The following NRG3 variants were observed in gnomAD, a reference collection of about 807,000 sequenced individuals.
NRG3 encodes the protein pro-neuregulin-3, membrane-bound isoform.
In NRG3, 31 loss-of-function variants were observed where a neutral mutation model predicts 66.9. The ratio of observed to expected loss-of-function variants is 0.46; its 90% CI spans 0.35 to 0.63. The LOEUF (loss-of-function observed/expected upper bound fraction) is 0.63, where lower values mean the gene tolerates loss of function less well. Ranked by LOEUF, NRG3 falls within the 20% of genes least tolerant of loss-of-function variation. The pLI is 0.00. For missense variants in NRG3, 910 were observed against 878.9 expected (o/e 1.04, Z -0.45); for synonymous variants, 393 against 359.4 (o/e 1.09, Z -1.06).
chr10:82,651,577 G>A (rs1056950244), intron 2 of NRG3, among the ~76,000 whole-genome samples: 1 of 152,260 alleles, frequency 6.6e-6, no homozygotes, highest in African/African-American at 2.4e-5. Context: ...GCAATAGCCA[G>A]TGACGAGTTT....
At chr10:82,339,013 A>G (rs1291361043) in intron 1 of NRG3, among the ~76,000 whole-genome samples, 1 of 152,216 alleles carries the variant, frequency 6.6e-6, no homozygotes, top group Non-Finnish European at 1.5e-5. Flanking sequence ...GAAGATGAAC[A>G]GGGGTGCACA....
chr10:82,427,991 C>T (rs1033403421), intron 2 of NRG3, among the ~76,000 whole-genome samples: 8 of 152,088 alleles, frequency 5.3e-5, no homozygotes, highest in African/African-American at 1.9e-4. Flanking sequence ...AATTTGCTAA[C>T]AACAGTTGTT....
chr10:82,299,805 G>A (rs2080289411), intron 1 of NRG3, among the ~76,000 whole-genome samples: 4 of 152,204 alleles, frequency 2.6e-5, no homozygotes, highest in African/African-American at 9.6e-5. Flanking sequence ...CACTCAATGA[G>A]AGACAAGGGA....
chr10:82,158,342 G>A (rs1269568451), intron 1 of NRG3, among the ~76,000 whole-genome samples: 1 of 151,656 alleles, frequency 6.6e-6, no homozygotes, highest in African/African-American at 2.4e-5. Context: ...CTAAATGTTT[G>A]AATATTTTGG....
At chr10:82,636,626 G>C (rs1009532750) in intron 2 of NRG3, among the ~76,000 whole-genome samples, 1 of 152,148 alleles carries the variant, frequency 6.6e-6, no homozygotes, top group Admixed American at 6.6e-5. Flanking sequence ...ATAATATTCA[G>C]TTTCTTTATC....
chr10:82,864,036 G>A (rs187150133), intron 3 of NRG3, among the ~76,000 whole-genome samples: 1 of 152,064 alleles, frequency 6.6e-6, no homozygotes, highest in South Asian at 2.1e-4. Context: ...AATGTGAACG[G>A]TTCATAAGGC....
intron 3 of NRG3, among the ~76,000 whole-genome samples, chr10:82,853,046 GGTA>G (rs2063638887): frequency 6.6e-6 from 1 of 152,082 alleles, no homozygotes; most frequent in African/African-American, 2.4e-5. Flanking sequence ...GTTAGAATAG[GGTA>G]AGGCAGGATT....
At chr10:82,442,272 C>T (rs76115703) in intron 2 of NRG3, among the ~76,000 whole-genome samples, 132 of 152,212 alleles carry the variant, frequency 8.7e-4, no homozygotes, top group African/African-American at 3.1e-3. Context: ...TTCCTAGTCC[C>T]AGCATAATGG....
chr10:82,479,563 C>G (rs1434757445), intron 2 of NRG3, among the ~76,000 whole-genome samples: 1 of 144,458 alleles, frequency 6.9e-6, no homozygotes, highest in Non-Finnish European at 1.5e-5. Context: ...ACTTGGGAGT[C>G]TGAGGCAGGA....
At chr10:82,137,398 T>A (rs1169486155) in intron 1 of NRG3, among the ~76,000 whole-genome samples, 2 of 152,174 alleles carry the variant, frequency 1.3e-5, no homozygotes, top group African/African-American at 4.8e-5. Flanking sequence ...CCCACAATAC[T>A]ATTATTTTAA....
chr10:82,828,268 C>T (rs1357782295), intron 3 of NRG3, among the ~76,000 whole-genome samples: 3 of 152,138 alleles, frequency 2.0e-5, no homozygotes, highest in South Asian at 2.1e-4. Flanking sequence ...ATTGTCCATC[C>T]GGACACCCAG....
chr10:82,350,076 C>T (rs889717618), intron 1 of NRG3, among the ~76,000 whole-genome samples: 5 of 152,166 alleles, frequency 3.3e-5, no homozygotes, highest in African/African-American at 1.2e-4. Flanking sequence ...ATTCGGCCAT[C>T]TTGGCTCCTC....
chr10:82,859,822 G>A (rs1291120672), intron 3 of NRG3, among the ~76,000 whole-genome samples: 1 of 152,032 alleles, frequency 6.6e-6, no homozygotes, highest in Non-Finnish European at 1.5e-5. Flanking sequence ...CAATGTATAC[G>A]TATTCCAAAA....
chr10:82,311,263 T>C (rs1205524435), intron 1 of NRG3, among the ~76,000 whole-genome samples: 1 of 152,242 alleles, frequency 6.6e-6, no homozygotes, highest in Non-Finnish European at 1.5e-5. Context: ...TTCCTCATTG[T>C]TTAAAGCAAT....
chr10:82,299,768 A>G (rs2080287134), intron 1 of NRG3, among the ~76,000 whole-genome samples: 1 of 152,164 alleles, frequency 6.6e-6, no homozygotes. Flanking sequence ...GACGTGGGCA[A>G]AAATTATCAA....
At chr10:82,194,212 T>C (rs896344067) in intron 1 of NRG3, among the ~76,000 whole-genome samples, 16 of 151,810 alleles carry the variant, frequency 1.1e-4, no homozygotes, top group African/African-American at 3.6e-4. Context: ...ATATATGATA[T>C]GTGTGGGTTG....
chr10:82,327,079 C>G (rs1382426465), intron 1 of NRG3, among the ~76,000 whole-genome samples: 1 of 152,036 alleles, frequency 6.6e-6, no homozygotes, highest in East Asian at 1.9e-4. Context: ...AAGAATGACC[C>G]TGGGCTGAGG....
intron 6 of NRG3, among the ~76,000 whole-genome samples, chr10:82,968,614 A>G (rs574717020): frequency 6.8e-6 from 1 of 147,100 alleles, no homozygotes; most frequent in South Asian, 2.2e-4. Context: ...TAATGGTACA[A>G]AAGATGAATT....
At chr10:82,011,218 C>T (rs149937799) in intron 1 of NRG3, among the ~76,000 whole-genome samples, 164 of 152,202 alleles carry the variant, frequency 1.1e-3, no homozygotes, top group African/African-American at 3.8e-3. Flanking sequence ...AAGCAAGCCA[C>T]GTCTTAAATG....
Sources: gnomAD v4.1 joint callset for allele counts (sites outside exome capture counted in the v4.1 genomes callset) on GRCh38, gnomAD v4.1.1 for gene constraint, MANE v1.5 for transcripts, NCBI Gene and HGNC (gene_info 2026-07-23, HGNC 2026-07-21) for gene names.